The following CTNNA2 variants were observed in gnomAD, a reference collection of about 807,000 sequenced individuals.
CTNNA2 encodes the protein catenin alpha-2.
A neutral mutation model predicts 101.0 loss-of-function variants in CTNNA2; 42 were observed. The observed-to-expected ratio is 0.42, with a 90% CI of 0.32 to 0.54. CTNNA2 has a LOEUF of 0.54. Ranked by LOEUF, CTNNA2 falls within the 20% of genes least tolerant of loss-of-function variation. The probability of loss-of-function intolerance (pLI) is 0.14; values close to 1 mark genes in which losing one functional copy is unlikely to be tolerated. For missense variants in CTNNA2, 871 were observed against 1,223.1 expected, an observed-to-expected ratio of 0.71 and a Z score of 4.29; for synonymous variants, 450 against 456.4, an observed-to-expected ratio of 0.99 and a Z score of 0.18.
At chr2:79,767,114 C>T (rs998786350) in intron 3 of CTNNA2, among the ~76,000 whole-genome samples, 1 of 151,868 alleles carries the variant, frequency 6.6e-6, no homozygotes, top group Non-Finnish European at 1.5e-5. Context: ...TCTGCTTGAT[C>T]AATTATGCAA....
At chr2:79,386,863 C>T (rs1369652277) in intron 4 of CTNNA2, among the ~76,000 whole-genome samples, 1 of 152,200 alleles carries the variant, frequency 6.6e-6, no homozygotes, top group African/African-American at 2.4e-5. Context: ...GCAGAATCTT[C>T]ACACATTCAT....
chr2:79,413,645 TA>T (rs776693895), intron 4 of CTNNA2, among the ~76,000 whole-genome samples: 35 of 152,058 alleles, frequency 2.3e-4, no homozygotes, highest in Non-Finnish European at 4.1e-4. Flanking sequence ...TCATACTGTT[TA>T]ACATAATGAT....
chr2:79,689,304 G>T (rs1221703499), intron 2 of CTNNA2, among the ~76,000 whole-genome samples: 2 of 151,950 alleles, frequency 1.3e-5, no homozygotes, highest in Non-Finnish European at 2.9e-5. Context: ...AAGGGAAATA[G>T]ACATGGTTAA....
intron 3 of CTNNA2, among the ~76,000 whole-genome samples, chr2:79,745,440 A>AT (rs1460018752): frequency 6.6e-6 from 1 of 151,622 alleles, no homozygotes; most frequent in Admixed American, 6.6e-5. Context: ...CTTAAAAAAA[A>AT]AAAATAAAAT....
chr2:80,342,769 TA>T (rs1672357630), intron 7 of CTNNA2, among the ~76,000 whole-genome samples: 1 of 152,240 alleles, frequency 6.6e-6, no homozygotes, highest in African/African-American at 2.4e-5. Context: ...TACTAAATTT[TA>T]AGTGTATTGA....
chr2:80,123,547 C>A (rs1701960363), intron 7 of CTNNA2, among the ~76,000 whole-genome samples: 2 of 152,112 alleles, frequency 1.3e-5, no homozygotes, highest in Admixed American at 6.5e-5. Context: ...CTGGTCTAGG[C>A]ATCACTGGGC....
intron 2 of CTNNA2, among the ~76,000 whole-genome samples, chr2:79,726,248 G>A (rs1438032060): frequency 6.6e-6 from 1 of 152,096 alleles, no homozygotes; most frequent in Non-Finnish European, 1.5e-5. Flanking sequence ...ATGAATGTAT[G>A]TGTATATATA....
intron 7 of CTNNA2, among the ~76,000 whole-genome samples, chr2:80,319,972 G>A (rs1261800125): frequency 6.6e-6 from 1 of 152,122 alleles, no homozygotes; most frequent in Non-Finnish European, 1.5e-5. Flanking sequence ...AGAGAGGAAT[G>A]GAATGTTATA....
At chr2:80,642,032 G>T (rs376032188) in intron 18 of CTNNA2, among the ~76,000 whole-genome samples, 2 of 151,974 alleles carry the variant, frequency 1.3e-5, no homozygotes, top group Non-Finnish European at 2.9e-5. Flanking sequence ...CTGGACCTCT[G>T]ATAAATCACC....
Position 80,430,166 on chromosome 2 carries a change from G to T in CTNNA2, c.1290+10565G>T, listed in dbSNP as rs185804093. Among the ~76,000 whole-genome samples, 473 of 152,046 alleles carry T rather than the reference G, an allele frequency of 3.1e-3. 3 individuals carry two copies. The highest frequency in any genetic ancestry group is 0.011 in the African/African-American group (460 of 41,472). On this transcript the variant is annotated intron_variant, in intron 9 of 18. Coordinates refer to ENST00000402739, the MANE Select transcript of CTNNA2 (RefSeq NM_001282597.3). The stretch of plus-strand genomic sequence containing the variant: ...CATTTAGATAAAAACTAACCATACC[G>T]TATGTAAACCTCCAAATTATATTCC...
intron 7 of CTNNA2, among the ~76,000 whole-genome samples, chr2:80,140,932 TG>T (rs1702968566): frequency 6.6e-6 from 1 of 152,176 alleles, no homozygotes. Flanking sequence ...TGCAAACAGA[TG>T]GAAGTTAACA....
intron 4 of CTNNA2, among the ~76,000 whole-genome samples, chr2:79,384,023 A>G (rs1303888855): frequency 6.6e-6 from 1 of 152,170 alleles, no homozygotes; most frequent in African/African-American, 2.4e-5. Context: ...GACGTAGAGA[A>G]ATTGGATGGT....
intron 9 of CTNNA2, among the ~76,000 whole-genome samples, chr2:80,542,308 C>A (rs921752508): frequency 1.3e-5 from 2 of 151,836 alleles, no homozygotes. Context: ...AGATCTATGT[C>A]TTTTTTCCAG....
chr2:80,027,661 T>C (rs1695018268), intron 7 of CTNNA2, among the ~76,000 whole-genome samples: 1 of 152,026 alleles, frequency 6.6e-6, no homozygotes, highest in Admixed American at 6.6e-5. Context: ...CCATTAGCCG[T>C]ATAAATCATT....
intron 2 of CTNNA2, among the ~76,000 whole-genome samples, chr2:79,719,003 A>G (rs1447403224): frequency 6.6e-6 from 1 of 152,078 alleles, no homozygotes; most frequent in East Asian, 1.9e-4. Flanking sequence ...TGAGCATGGT[A>G]TGCAATAAGT....
chr2:80,216,965 G>A (rs1048969290), intron 7 of CTNNA2, among the ~76,000 whole-genome samples: 5 of 151,108 alleles, frequency 3.3e-5, no homozygotes, highest in South Asian at 2.1e-4. Context: ...AGCCTCCCAC[G>A]TAGCTGTGAC....
intron 9 of CTNNA2, among the ~76,000 whole-genome samples, chr2:80,438,712 G>T (rs927143387): frequency 6.8e-6 from 1 of 147,806 alleles, no homozygotes; most frequent in African/African-American, 2.4e-5. Flanking sequence ...GTTGCAGTGA[G>T]TCGAGATCCA....
rs1698889802 is a variant in CTNNA2 at position 80,616,775 on chromosome 2, G to T, written c.2431-2310G>T. Among the ~76,000 whole-genome samples the T allele has an allele frequency of 2.0e-5, 3 of 151,624 alleles. No individual in the cohort carries two copies. In the South Asian group the frequency reaches 6.2e-4, roughly 31 times the overall value. On this transcript the variant is annotated intron_variant, in intron 17 of 18. Coordinates refer to ENST00000402739, the MANE Select transcript of CTNNA2 (RefSeq NM_001282597.3). ...GAGATTTGGAAATTATCTGATCCTG[G>T]CATTGCATCCTGTATCAAAGGCAGT...
chr2:80,163,094 C>T, intron 7 of CTNNA2: 2 of 1,580,352 alleles, frequency 1.3e-6, no homozygotes, highest in South Asian at 2.2e-5. Context: ...CAAACGCAAA[C>T]TGCTTTGGTT....
Sources: allele counts gnomAD v4.1 joint callset (sites outside exome capture counted in the v4.1 genomes callset), GRCh38; gene constraint gnomAD v4.1.1; transcripts MANE v1.5; gene names NCBI Gene and HGNC (gene_info 2026-07-23, HGNC 2026-07-21).